TEX36: variants seen among roughly 807,000 people sequenced by gnomAD.
TEX36 encodes testis expressed 36.
A neutral mutation model predicts 13.6 loss-of-function variants in TEX36; 12 were observed. The observed-to-expected ratio is 0.88, with a 90% CI of 0.56 to 1.43. TEX36 has a LOEUF of 1.43. TEX36 is among the 40% of genes most tolerant of loss of function. TEX36 has a pLI of 0.00. For missense variants in TEX36, 224 were observed against 228.3 expected, an observed-to-expected ratio of 0.98 and a Z score of 0.12; for synonymous variants, 93 against 83.0, an observed-to-expected ratio of 1.12 and a Z score of -0.65.
intron 3 of TEX36, among the ~76,000 whole-genome samples, chr10:125,643,526 G>A (rs563688297): frequency 1.3e-5 from 2 of 152,236 alleles, no homozygotes; most frequent in South Asian, 4.1e-4. Context: ...GGCGGATCAC[G>A]AGGTCAGGAG....
intron 3 of TEX36, among the ~76,000 whole-genome samples, chr10:125,656,503 C>T (rs1047113325): frequency 6.6e-6 from 1 of 152,014 alleles, no homozygotes; most frequent in African/African-American, 2.4e-5. Flanking sequence ...GGCAATCTGC[C>T]CGCCTCAGCC....
intron 3 of TEX36, among the ~76,000 whole-genome samples, chr10:125,612,306 A>G: frequency 7.2e-6 from 1 of 139,102 alleles, no homozygotes; most frequent in Admixed American, 7.4e-5. Flanking sequence ...CTGGTCTTGA[A>G]TTCCTGATCT....
chr10:125,592,762 C>A (rs141704039), intron 3 of TEX36, among the ~76,000 whole-genome samples: 1 of 152,166 alleles, frequency 6.6e-6, no homozygotes, highest in African/African-American at 2.4e-5. Context: ...CCCACAACCC[C>A]CTTCCTCACA....
chr10:125,670,808 A>AT (rs1433244985), intron 1 of TEX36, among the ~76,000 whole-genome samples: 3 of 152,080 alleles, frequency 2.0e-5, no homozygotes, highest in Non-Finnish European at 4.4e-5. Context: ...GCATATTACT[A>AT]GCCAGTTCTC....
chr10:125,583,459 A>C (rs1461249722), intron 3 of TEX36, among the ~76,000 whole-genome samples: 1 of 152,218 alleles, frequency 6.6e-6, no homozygotes, highest in Admixed American at 6.5e-5. Flanking sequence ...TGGAAGAACA[A>C]AAGGTTCTTT....
chr10:125,661,017 T>G lies in TEX36; in HGVS notation c.264+4A>C. On this transcript the variant is annotated splice_donor_region_variant and intron_variant, in intron 3 of 3. Coordinates refer to ENST00000368821, the MANE Select transcript of TEX36 (RefSeq NM_001128202.3). The stretch of plus-strand genomic sequence containing the variant: ...TTATTAATAATTTGGAAAGAAATAC[T>G]CACGGAGTCAAGGTAGCATCCAGAG... The G allele has an allele frequency of 6.5e-7, 1 of 1,549,528 alleles. No individual in the cohort carries two copies. Among genetic ancestry groups the G allele is most frequent in the Non-Finnish European group, 8.7e-7 (1 of 1,144,918 alleles).
At chr10:125,610,552 T>C (rs297226) in intron 3 of TEX36, among the ~76,000 whole-genome samples, 61,166 of 150,000 alleles carry the variant, frequency 0.41, 14,370 homozygotes, top group African/African-American at 0.65. Flanking sequence ...AGAAGCTCGG[T>C]TTCAAATGTT....
intron 3 of TEX36, among the ~76,000 whole-genome samples, chr10:125,588,525 G>C (rs948962816): frequency 6.6e-6 from 1 of 152,202 alleles, no homozygotes; most frequent in African/African-American, 2.4e-5. Flanking sequence ...AAGGTGAAAG[G>C]GGAAGCAATG....
chr10:125,669,647 T>C (rs12570570), intron 1 of TEX36, among the ~76,000 whole-genome samples: 6,105 of 152,310 alleles, frequency 0.04, 309 homozygotes, highest in African/African-American at 0.12. Context: ...GCAGTCTTGT[T>C]ACATAGGTAA....
downstream of TEX36, among the ~76,000 whole-genome samples, chr10:125,618,189 T>C (rs1391131115): frequency 6.6e-6 from 1 of 152,168 alleles, no homozygotes; most frequent in African/African-American, 2.4e-5. Flanking sequence ...TACATTCTTC[T>C]AAATTTTTTT....
intron 3 of TEX36, among the ~76,000 whole-genome samples, chr10:125,579,044 G>T (rs997016851): frequency 3.3e-5 from 5 of 152,118 alleles, no homozygotes; most frequent in African/African-American, 4.8e-5. Context: ...TTACAGAAAG[G>T]ACTCCTGATT....
downstream of TEX36, among the ~76,000 whole-genome samples, chr10:125,652,981 G>A (rs1416751576): frequency 6.6e-6 from 1 of 152,174 alleles, no homozygotes; most frequent in South Asian, 2.1e-4. Context: ...AAAAAGTCAG[G>A]AAACAACAGG....
At chr10:125,624,229 C>G (rs1846459659) in intron 3 of TEX36, among the ~76,000 whole-genome samples, 1 of 152,180 alleles carries the variant, frequency 6.6e-6, no homozygotes, top group African/African-American at 2.4e-5. Flanking sequence ...ACCTCCCTGC[C>G]ATTCACTATC....
intron 3 of TEX36, among the ~76,000 whole-genome samples, chr10:125,596,180 T>C (rs569813488): frequency 1.4e-5 from 2 of 145,252 alleles, no homozygotes; most frequent in South Asian, 4.3e-4. Context: ...TGTGAATATG[T>C]TGCCTTATAC....
In TEX36 at chr10:125,582,876, C is replaced by T. The variant is rs537545362; in HGVS notation, c.265-6002G>A. ...AAAGTGCTAAAGTGACAATTTTTCA[C>T]TAGATAATTAAGCCTCCAAATTTAA... On this transcript the variant is annotated intron_variant, in intron 3 of 3. Transcript: ENST00000532135. Among the ~76,000 whole-genome samples the T allele has an allele frequency of 2.6e-4, 39 of 152,220 alleles. No homozygotes were observed. The South Asian group carries it at 3.7e-3, about 15-fold the overall frequency.
chr10:125,654,609 A>G (rs1349465487), downstream of TEX36, among the ~76,000 whole-genome samples: 1 of 152,172 alleles, frequency 6.6e-6, no homozygotes, highest in African/African-American at 2.4e-5. Context: ...AAACAAGAAA[A>G]TGGTGGCATG....
chr10:125,665,698 T>G lies in TEX36; in HGVS notation c.52-3721A>C, dbSNP rs139468119. Among the ~76,000 whole-genome samples, 448 of 152,312 alleles carry G rather than the reference T, an allele frequency of 2.9e-3. 7 individuals are homozygous for G. The South Asian group carries it at 0.042, about 14-fold the overall frequency. The stretch of plus-strand genomic sequence containing the variant: ...TCCTTTGGTTATTCTGGCTCTTTTT[T>G]ATTCCATATGAATTTTAAGATTGTT... On this transcript the variant is annotated intron_variant, in intron 1 of 3. Transcript: ENST00000368821.
intron 3 of TEX36, among the ~76,000 whole-genome samples, chr10:125,638,560 AT>A (rs1846646957): frequency 1.3e-5 from 2 of 152,220 alleles, no homozygotes; most frequent in African/African-American, 4.8e-5. Flanking sequence ...GAATTATCAG[AT>A]AATAAGTTTA....
intron 1 of TEX36, among the ~76,000 whole-genome samples, chr10:125,674,500 A>C (rs1396667673): frequency 6.6e-6 from 1 of 151,918 alleles, no homozygotes; most frequent in Non-Finnish European, 1.5e-5. Flanking sequence ...GATAAAAGGC[A>C]CTCTGACTTT....
Sources: allele counts gnomAD v4.1 joint callset (sites outside exome capture counted in the v4.1 genomes callset), GRCh38; gene constraint gnomAD v4.1.1; transcripts MANE v1.5; gene names NCBI Gene and HGNC (gene_info 2026-07-23, HGNC 2026-07-21).